Variants in CCNA2 observed in about 807,000 individuals in gnomAD.
CCNA2 encodes the protein cyclin-A2.
In CCNA2, 3 loss-of-function variants were observed where a neutral mutation model predicts 49.4. That is an observed-to-expected ratio of 0.06 (90% CI 0.03 to 0.16). The LOEUF (loss-of-function observed/expected upper bound fraction) is 0.16. CCNA2 is among the 10% of genes least tolerant of loss of function. The pLI is 1.00. For missense variants in CCNA2, 372 were observed against 519.7 expected, an observed-to-expected ratio of 0.72 and a Z score of 2.76; for synonymous variants, 206 against 197.2, an observed-to-expected ratio of 1.04 and a Z score of -0.37.
intron 6 of CCNA2, 128 bp from the exon 7 acceptor site, chr4:121,818,305 C>G: frequency 1.2e-6 from 1 of 815,564 alleles, no homozygotes. Context: ...TACTAGTTTT[C>G]TCAGGCCATT....
Position 121,822,673 on chromosome 4 carries a change from G to A in CCNA2, c.214-27C>T, listed in dbSNP as rs768307852. On this transcript the variant is annotated intron_variant, in intron 1 of 7. Transcript: ENST00000274026. The stretch of plus-strand genomic sequence containing the variant: ...TAAAAAAAAATTAATAACTGGCTTT[G>A]AGCCTACTAGTCTTGCATTCTTTCT... 3 of 1,605,598 alleles carry A rather than the reference G, an allele frequency of 1.9e-6. No individual in the cohort carries two copies. The East Asian group carries it at 6.7e-5, about 36-fold the overall frequency.
intron 6 of CCNA2, 122 bp from the exon 7 acceptor site, chr4:121,818,299 A>G (rs998601422): frequency 3.5e-6 from 3 of 848,054 alleles, no homozygotes; most frequent in Non-Finnish European, 1.8e-6. Context: ...TCCAACTACT[A>G]GTTTTCTCAG....
In CCNA2 at chr4:121,819,468, A is replaced by G. The variant is rs753775857; in HGVS notation, c.906T>C (p.Leu302=). The G allele has an allele frequency of 1.2e-6, 2 of 1,613,860 alleles. No individual in the cohort carries two copies. The highest frequency in any genetic ancestry group is 1.1e-5 in the South Asian group (1 of 91,076). ...CTGTTGGAGCAGCTAAGTCAAAAGTAAGGACTTTCAAAACTAGATGCTCCA... is the reference window on the plus strand; with the variant it reads ...CTGTTGGAGCAGCTAAGTCAAAAGTGAGGACTTTCAAAACTAGATGCTCCA... The part of the protein sequence containing the change: ...LRMEHLVLKV[L]TFDLAAPTVN... The change falls in exon 5 of 8, where the codon CTT becomes CTC. Residue 302 remains leucine (L), a synonymous_variant. Transcript: ENST00000274026.
intron 1 of CCNA2, among the ~76,000 whole-genome samples, chr4:121,823,044 G>A (rs1369346919): frequency 6.6e-6 from 1 of 152,184 alleles, no homozygotes; most frequent in African/African-American, 2.4e-5. Context: ...CTAAAGTAGA[G>A]GTCATCTCTT....
Position 121,817,268 on chromosome 4 carries a change from C to CTACTT in CCNA2, c.*365_*369dup, listed in dbSNP as rs1479123777. On this transcript the variant is annotated 3_prime_UTR_variant, in exon 8 of 8. Coordinates refer to ENST00000274026, the MANE Select transcript of CCNA2 (RefSeq NM_001237.5). ...AATTTGAGGGTCTGTTTTCCTAAAC[C>CTACTT]TACTTTAATTTTAGAGGAAGGCTTT... 2.2e-5 allele frequency: 5 copies of CTACTT among 228,538 alleles called. No homozygotes were observed. The South Asian group carries it at 3.6e-4, about 17-fold the overall frequency. The allele number at this position is 228,538 out of a possible 1,614,324, so 14.2% of individuals were successfully genotyped here.
At position 121,817,668 on chromosome 4, in the gene CCNA2, G is replaced by T. The variant is rs375951662; in HGVS notation, c.1269C>A (p.Leu423=). The change falls in exon 8 of 8, where the codon CTC becomes CTA. Residue 423 remains leucine, a synonymous_variant. Coordinates refer to ENST00000274026, the MANE Select transcript of CCNA2 (RefSeq NM_001237.5). ...YKNSKYHGVS[L]LNPPETLNL is the part of the protein sequence containing the mutation. The stretch of plus-strand genomic sequence containing the variant: ...GATTTAGTGTCTCTGGTGGGTTGAG[G>T]AGAGAAACACCATGATACCTGTAAG... 6.2e-7 allele frequency: 1 copy of T among 1,613,734 alleles called. No individual in the cohort carries two copies. Among genetic ancestry groups the T allele is most frequent in the Non-Finnish European group, 8.5e-7 (1 of 1,179,898 alleles).
At chr4:121,823,326 A>G in intron 1 of CCNA2, 90 bp downstream of exon 1, 1 of 1,437,562 alleles carries the variant, frequency 7.0e-7, no homozygotes, top group Non-Finnish European at 9.3e-7. Context: ...AAAGCCCAGG[A>G]CATGCCTTCT....
At position 121,820,785 on chromosome 4, in the gene CCNA2, T is replaced by C; in HGVS notation, c.571-20A>G. On this transcript the variant is annotated intron_variant, in intron 3 of 7. Transcript: ENST00000274026. The surrounding 1 kb of genome is among the most constrained non-coding windows in gnomAD (Gnocchi z 4.1). ...TTTAACCTATTGAGAAAATTATTTA[T>C]AGTGTTAAAATTATTCTAGTGTAAA... 1.3e-6 allele frequency: 2 copies of C among 1,529,904 alleles called. No homozygotes were observed. Among genetic ancestry groups the C allele is most frequent in the Non-Finnish European group, 1.8e-6 (2 of 1,111,214 alleles). 94.8% of individuals were successfully genotyped at this position (1,529,904 alleles called of 1,614,324 possible). A position where few individuals can be genotyped will look rare whatever the true frequency, so the allele number is the denominator to read the frequency against.
Position 121,816,778 on chromosome 4 carries a change from GACC to G in CCNA2, c.*857_*859del, listed in dbSNP as rs753609531. On this transcript the variant is annotated 3_prime_UTR_variant, in exon 8 of 8. Transcript: ENST00000274026. ...TACTTTGCTTTATTCACAGAACACA[GACC>G]ACCAGTGCAAAACAAGAAAAAGCAC... 9 of 1,594,808 alleles carry G rather than the reference GACC, an allele frequency of 5.6e-6. No homozygotes were observed. In the East Asian group the frequency reaches 1.6e-4, roughly 28 times the overall value.
At chr4:121,819,979 C>T (rs1229713800) in intron 4 of CCNA2, among the ~76,000 whole-genome samples, 33 of 141,764 alleles carry the variant, frequency 2.3e-4, no homozygotes, top group African/African-American at 7.8e-4. Flanking sequence ...CTTGCTCTGT[C>T]GCCCAGGCCA....
In CCNA2 at chr4:121,820,113, G is replaced by A. The variant is rs2149042510; in HGVS notation, c.794+429C>T. The stretch of plus-strand genomic sequence containing the variant: ...GCATCACCATGCCCAGCTAATTTTT[G>A]TATTTTTAGTAGAGACAGGGTTTCG... On this transcript the variant is annotated intron_variant, in intron 4 of 7. Transcript: ENST00000274026. This position sits in a 1 kb window ranked among gnomAD's most constrained non-coding sequence, Gnocchi z 4.1. Among the ~76,000 whole-genome samples, 1 of 151,794 alleles carries A rather than the reference G, an allele frequency of 6.6e-6. No individual in the cohort carries two copies. Among genetic ancestry groups the A allele is most frequent in the African/African-American group, 2.4e-5 (1 of 41,410 alleles).
chr4:121,821,891 C>G (rs1222977032), intron 2 of CCNA2, among the ~76,000 whole-genome samples: 1 of 152,120 alleles, frequency 6.6e-6, no homozygotes, highest in Non-Finnish European at 1.5e-5. Flanking sequence ...TACTTTAATA[C>G]ATGGGTAAGA....
intron 2 of CCNA2, among the ~76,000 whole-genome samples, chr4:121,821,598 CTA>C (rs1724693476): frequency 6.6e-6 from 1 of 152,148 alleles, no homozygotes; most frequent in Non-Finnish European, 1.5e-5. Flanking sequence ...TGGATTAACA[CTA>C]TAAATAATTT....
In CCNA2 at chr4:121,820,934, C is replaced by T; in HGVS notation, c.570+45G>A. 1 of 1,509,004 alleles carries T rather than the reference C, an allele frequency of 6.6e-7. No individual in the cohort carries two copies. Among genetic ancestry groups the T allele is most frequent in the African/African-American group, 1.4e-5 (1 of 72,424 alleles). 93.5% of individuals were successfully genotyped at this position (1,509,004 alleles called of 1,614,324 possible). On this transcript the variant is annotated intron_variant, in intron 3 of 7. Transcript: ENST00000274026. This position sits in a 1 kb window ranked among gnomAD's most constrained non-coding sequence, Gnocchi z 4.1. ...TTATCCTCTCAATTTCATTTAGCCACATTTAACAAATACATTATACAAACT... is the reference window on the plus strand; with the variant it reads ...TTATCCTCTCAATTTCATTTAGCCATATTTAACAAATACATTATACAAACT...
In CCNA2 at chr4:121,820,590, A is replaced by G. The variant is rs747226357; in HGVS notation, c.746T>C (p.Leu249Pro). The G allele has an allele frequency of 1.2e-6, 2 of 1,614,194 alleles. No homozygotes were observed. The highest frequency in any genetic ancestry group is 1.7e-6 in the Non-Finnish European group (2 of 1,180,004). Residue 249 changes from leucine (L) to proline (P), a missense_variant, in exon 4 of 8, where the codon CTG becomes CCG. This residue lies in a region of CCNA2 where 155 missense variants were observed against 288.1 expected (regional missense o/e 0.54). Coordinates refer to ENST00000274026, the MANE Select transcript of CCNA2 (RefSeq NM_001237.5). This position sits in a 1 kb window ranked among gnomAD's most constrained non-coding sequence, Gnocchi z 4.1. ...GCCCACAAGCTGAAGTTTTCCTCTC[A>G]GCACTGACATGGAAGACAGGAACCT... is the stretch of plus-strand genomic sequence containing the variant. The part of the protein sequence containing the change: ...IDRFLSSMSV[L>P]RGKLQLVGTA...
Position 121,820,541 on chromosome 4 carries a change from C to T in CCNA2, c.794+1G>A. On this transcript the variant is annotated splice_donor_variant, in intron 4 of 7. Transcript: ENST00000274026. LOFTEE classifies it high-confidence loss of function. This position sits in a 1 kb window ranked among gnomAD's most constrained non-coding sequence, Gnocchi z 4.1. ...TTTTAAACAAACCAAGGTAGACTTA[C>T]GAGGCTAACAGCATAGCAGCAGTGC... 6.2e-7 allele frequency: 1 copy of T among 1,606,086 alleles called. No individual in the cohort carries two copies. The highest frequency in any genetic ancestry group is 8.5e-7 in the Non-Finnish European group (1 of 1,174,690).
At chr4:121,823,366 G>A in intron 1 of CCNA2, 50 bp downstream of exon 1, 1 of 1,550,554 alleles carries the variant, frequency 6.4e-7, no homozygotes, top group Non-Finnish European at 8.7e-7. Context: ...CTAAGCCAAT[G>A]CCAAACCCTG....
In CCNA2 at chr4:121,820,193, G is replaced by A. The variant is rs1476882282; in HGVS notation, c.794+349C>T. Among the ~76,000 whole-genome samples the A allele has an allele frequency of 1.3e-5, 2 of 152,020 alleles. No homozygotes were observed. Among genetic ancestry groups the A allele is most frequent in the African/African-American group, 2.4e-5 (1 of 41,414 alleles). Reference sequence around the variant, plus strand: ...TGACCTCAAGTGATCCGCCCACCTCGGCCTCCCAAAGTGCTGGGATTACAG... The same window carrying A: ...TGACCTCAAGTGATCCGCCCACCTCAGCCTCCCAAAGTGCTGGGATTACAG... On this transcript the variant is annotated intron_variant, in intron 4 of 7. Coordinates refer to ENST00000274026, the MANE Select transcript of CCNA2 (RefSeq NM_001237.5). This position sits in a 1 kb window ranked among gnomAD's most constrained non-coding sequence, Gnocchi z 4.1.
At position 121,823,579 on chromosome 4, in the gene CCNA2, G is replaced by A. The variant is rs1189833629; in HGVS notation, c.50C>T (p.Ala17Val). 1.9e-6 allele frequency: 3 copies of A among 1,606,994 alleles called. No homozygotes were observed. Among genetic ancestry groups the A allele is most frequent in the Non-Finnish European group, 2.5e-6 (3 of 1,178,266 alleles). The change falls in exon 1 of 8, where the codon GCG (alanine) becomes GTG (valine). Residue 17 changes from alanine to valine, a missense_variant. Physicochemically the swap from Ala to Val is moderately conservative, Grantham distance 64. This residue lies in a region of CCNA2 where 217 missense variants were observed against 231.7 expected (regional missense o/e 0.94). Transcript: ENST00000274026. Reference protein sequence around the residue: ...PGPATREAGSALLALQQTALQ... With the variant: ...PGPATREAGSVLLALQQTALQ... ...CGCCGTCTGCTGCAATGCTAGCAGC[G>A]CCGAGCCCGCCTCGCGGGTCGCAGG...
Sources: allele counts gnomAD v4.1 joint callset (sites outside exome capture counted in the v4.1 genomes callset), GRCh38; gene constraint gnomAD v4.1.1; regional missense constraint gnomAD v4.1.1; non-coding constraint Gnocchi (gnomAD v3.1); transcripts MANE v1.5; gene names NCBI Gene and HGNC (gene_info 2026-07-23, HGNC 2026-07-21).